BRAF: variants seen among roughly 807,000 people sequenced by gnomAD.
BRAF encodes the protein B-Raf proto-oncogene, serine/threonine kinase, also known as serine/threonine-protein kinase B-raf.
In BRAF, 16 loss-of-function variants were observed where a neutral mutation model predicts 104.6. The observed-to-expected ratio is 0.15, with a 90% CI of 0.10 to 0.23. The LOEUF (loss-of-function observed/expected upper bound fraction) is 0.23, where lower values mean the gene tolerates loss of function less well. Among genes scored for constraint, BRAF ranks in the 10% least tolerant of loss-of-function variants. The pLI is 1.00. For missense variants in BRAF, 541 were observed against 937.3 expected (o/e 0.58, Z 5.52); for synonymous variants, 310 against 341.6 (o/e 0.91, Z 1.02).
chr7:140,792,242 A>C (rs1802053743), intron 8 of BRAF, among the ~76,000 whole-genome samples: 1 of 152,168 alleles, frequency 6.6e-6, no homozygotes, highest in East Asian at 1.9e-4. Flanking sequence ...CACATTATTG[A>C]CAGTCCTGCC....
In BRAF at chr7:140,735,718, A is replaced by G. The variant is rs145320630; in HGVS notation, c.2248-948T>C. ...ATTACAGGAGCGCACCACCATGCCC[A>G]GCTAAATTTTTGTATTTTTAGCAGA... On this transcript the variant is annotated intron_variant, in intron 18 of 19. Transcript: ENST00000644969. 5.5e-3 allele frequency among the ~76,000 whole-genome samples: 836 copies of G among 151,632 alleles called. 2 individuals carry two copies. Among genetic ancestry groups the G allele is most frequent in the Admixed American group, 0.011 (173 of 15,230 alleles).
chr7:140,813,983 C>G (rs530177665), intron 3 of BRAF, among the ~76,000 whole-genome samples: 1 of 152,030 alleles, frequency 6.6e-6, no homozygotes, highest in African/African-American at 2.4e-5. Context: ...AGGGTGAAAA[C>G]AAGATTTCTT....
intron 3 of BRAF, among the ~76,000 whole-genome samples, chr7:140,826,630 T>C (rs1806080558): frequency 2.0e-5 from 3 of 152,178 alleles, no homozygotes; most frequent in East Asian, 1.9e-4. Flanking sequence ...TAGTTACACA[T>C]GTAAAAACTC....
chr7:140,814,910 TTA>T (rs1313781756), intron 3 of BRAF, among the ~76,000 whole-genome samples: 1 of 150,306 alleles, frequency 6.7e-6, no homozygotes, highest in South Asian at 2.1e-4. Flanking sequence ...ATCAAAATTG[TTA>T]TATGTTTAAT....
intron 1 of BRAF, among the ~76,000 whole-genome samples, chr7:140,910,274 C>G (rs919534266): frequency 6.6e-6 from 1 of 152,180 alleles, no homozygotes; most frequent in Admixed American, 6.5e-5. Flanking sequence ...TTTGCAAATT[C>G]TATTCCCACT....
chr7:140,841,346 G>A (rs906789432), intron 2 of BRAF, among the ~76,000 whole-genome samples: 9 of 152,178 alleles, frequency 5.9e-5, no homozygotes, highest in African/African-American at 2.2e-4. Context: ...GTTCCTCAAA[G>A]TGTAAAACAG....
rs1325893024 is a variant in BRAF at position 140,720,798 on chromosome 7, T to A, written c.*5696A>T. On this transcript the variant is annotated 3_prime_UTR_variant, in exon 20 of 20. Coordinates refer to ENST00000644969, the MANE Select transcript of BRAF (RefSeq NM_001374258.1). ...TGGGTTCAAAAACTTAACACAAAAATGCAACGCAGTAATTTTCAAAACAAA... is the reference window on the plus strand; with the variant it reads ...TGGGTTCAAAAACTTAACACAAAAAAGCAACGCAGTAATTTTCAAAACAAA... The A allele has an allele frequency of 1.9e-6, 2 of 1,066,094 alleles. No individual in the cohort carries two copies. The highest frequency in any genetic ancestry group is 2.3e-6 in the Non-Finnish European group (2 of 879,808). 66.0% of individuals were successfully genotyped at this position (1,066,094 alleles called of 1,614,324 possible). A position where few individuals can be genotyped will look rare whatever the true frequency, so the allele number is the denominator to read the frequency against.
At chr7:140,885,635 T>C (rs1402325669) in intron 1 of BRAF, among the ~76,000 whole-genome samples, 1 of 152,230 alleles carries the variant, frequency 6.6e-6, no homozygotes, top group Non-Finnish European at 1.5e-5. Context: ...GCGGCAACTG[T>C]GTCTATTTTT....
chr7:140,749,291 T>G lies in BRAF; in HGVS notation c.2108A>C (p.Asp703Ala). 1 of 1,611,190 alleles carries G rather than the reference T, an allele frequency of 6.2e-7. No individual in the cohort carries two copies. The highest frequency in any genetic ancestry group is 8.5e-7 in the Non-Finnish European group (1 of 1,179,260). Residue 703 changes from aspartate (D) to alanine (A), a missense_variant, in exon 17 of 20, where the codon GAC (aspartate) becomes GCC (alanine). By Grantham distance (126) the Asp-to-Ala change is moderately radical (BLOSUM62 -2). Around this residue, in one of 10 missense-constraint regions of BRAF, gnomAD observed 129 missense variants for 285.8 expected, o/e 0.45. Coordinates refer to ENST00000644969, the MANE Select transcript of BRAF (RefSeq NM_001374258.1). ...QLPYSNINNR[D>A]QIIFMVGRGY... is the part of the protein sequence containing the mutation. Reference sequence around the variant, plus strand: ...CAAGACGTGGTAAATATTTACCTGGTCCCTGTTGTTGATGTTTGAATAAGG... The same window carrying G: ...CAAGACGTGGTAAATATTTACCTGGGCCCTGTTGTTGATGTTTGAATAAGG...
At position 140,723,694 on chromosome 7, in the gene BRAF, G is replaced by C. The variant is rs974416935; in HGVS notation, c.*2800C>G. 6.7e-6 allele frequency: 7 copies of C among 1,051,578 alleles called. No homozygotes were observed. In the African/African-American group the frequency reaches 1.2e-4, roughly 17 times the overall value. The allele number at this position is 1,051,578 out of a possible 1,614,324, so 65.1% of individuals were successfully genotyped here. The stretch of plus-strand genomic sequence containing the variant: ...TAGTTGCTCTCAAATTTTTCAGAAG[G>C]CTTCACCTCTCCCTACCAAAAATAA... On this transcript the variant is annotated 3_prime_UTR_variant, in exon 20 of 20. Transcript: ENST00000644969.
intron 1 of BRAF, among the ~76,000 whole-genome samples, chr7:140,858,396 T>C (rs560936824): frequency 6.6e-6 from 1 of 152,334 alleles, no homozygotes; most frequent in South Asian, 2.1e-4. Flanking sequence ...CAAATATAGA[T>C]TGTGGAACAT....
chr7:140,720,035 GA>G lies in BRAF; in HGVS notation c.*6458del. The G allele has an allele frequency of 9.4e-7, 1 of 1,061,580 alleles. No individual in the cohort carries two copies. Among genetic ancestry groups the G allele is most frequent in the African/African-American group, 1.6e-5 (1 of 60,970 alleles). The allele number at this position is 1,061,580 out of a possible 1,614,324, so 65.8% of individuals were successfully genotyped here. On this transcript the variant is annotated 3_prime_UTR_variant, in exon 20 of 20. Transcript: ENST00000644969. ...CATGTCCTCAAACCAAGGAATACAT[GA>G]AAAGGGGGGATTTCCTTTTTCTTGG... is the stretch of plus-strand genomic sequence containing the variant.
chr7:140,908,754 T>C (rs1281694869), intron 1 of BRAF, among the ~76,000 whole-genome samples: 4 of 152,210 alleles, frequency 2.6e-5, no homozygotes, highest in African/African-American at 4.8e-5. Context: ...TGGGGTCCCA[T>C]CTAAAACTGA....
intron 12 of BRAF, among the ~76,000 whole-genome samples, chr7:140,779,627 T>C (rs965294818): frequency 6.6e-6 from 1 of 152,272 alleles, no homozygotes; most frequent in South Asian, 2.1e-4. Flanking sequence ...GGGTTTGGGA[T>C]TTTGGATTAA....
chr7:140,825,253 C>A (rs1805908395), intron 3 of BRAF, among the ~76,000 whole-genome samples: 1 of 152,124 alleles, frequency 6.6e-6, no homozygotes. Context: ...CAGGCATGAG[C>A]CTCCGCACCC....
downstream of BRAF, among the ~76,000 whole-genome samples, chr7:140,717,442 A>T (rs529499605): frequency 8.0e-5 from 12 of 150,080 alleles, no homozygotes; most frequent in South Asian, 2.5e-3. Flanking sequence ...AGCTAATTAA[A>T]TTTTTTTTTT....
At chr7:140,895,643 C>T (rs1308432650) in intron 1 of BRAF, among the ~76,000 whole-genome samples, 1 of 152,178 alleles carries the variant, frequency 6.6e-6, no homozygotes, top group African/African-American at 2.4e-5. Context: ...GAAATCAACT[C>T]TTTTTAGCTT....
chr7:140,753,230 C>T (rs1198315740), intron 16 of BRAF, 45 bp downstream of exon 15: 7 of 1,468,860 alleles, frequency 4.8e-6, no homozygotes, highest in Non-Finnish European at 6.7e-6. Flanking sequence ...AGCAGCATCT[C>T]AGGGCCAAAA....
chr7:140,728,179 T>A (rs1258309927), intron 19 of BRAF, among the ~76,000 whole-genome samples: 1 of 152,160 alleles, frequency 6.6e-6, no homozygotes, highest in African/African-American at 2.4e-5. Flanking sequence ...CACATCTGCA[T>A]CCAATTCTCA....
Sources: gnomAD v4.1 joint callset for allele counts (sites outside exome capture counted in the v4.1 genomes callset) on GRCh38, gnomAD v4.1.1 for gene constraint, gnomAD v4.1.1 regional missense constraint, MANE v1.5 for transcripts, NCBI Gene and HGNC (gene_info 2026-07-23, HGNC 2026-07-21) for gene names.